Variants in ME3 observed in about 807,000 individuals in gnomAD.
ME3 encodes the protein malic enzyme 3.
ME3 carries 48 observed loss-of-function variants against 68.9 expected under a neutral mutation model. The ratio of observed to expected loss-of-function variants is 0.70; its 90% CI spans 0.55 to 0.89. ME3 has a LOEUF of 0.89. Ranked by LOEUF, ME3 falls within the 40% of genes least tolerant of loss-of-function variation. The pLI is 0.00. For synonymous variants in ME3, 320 were observed against 318.8 expected (o/e 1.00, Z -0.04); for missense variants, 675 against 797.4 (o/e 0.85, Z 1.85).
chr11:86,446,718 G>A (rs1949323511), intron 12 of ME3, among the ~76,000 whole-genome samples: 1 of 152,234 alleles, frequency 6.6e-6, no homozygotes, highest in Non-Finnish European at 1.5e-5. Flanking sequence ...GGGGTTCACA[G>A]CACCATTTTT....
intron 10 of ME3, among the ~76,000 whole-genome samples, chr11:86,449,362 G>A (rs1949502915): frequency 6.6e-6 from 1 of 152,200 alleles, no homozygotes; most frequent in Non-Finnish European, 1.5e-5. Flanking sequence ...GCCAGGCATT[G>A]ATATCAAGAC....
chr11:86,573,441 T>TTTG (rs553731520), intron 2 of ME3, among the ~76,000 whole-genome samples: 12 of 151,646 alleles, frequency 7.9e-5, no homozygotes, highest in Admixed American at 1.3e-4. Flanking sequence ...TTTTTTTTTT[T>TTTG]GGTATATATG....
intron 2 of ME3, among the ~76,000 whole-genome samples, chr11:86,670,076 G>A (rs1261113880): frequency 6.6e-6 from 1 of 152,164 alleles, no homozygotes; most frequent in Admixed American, 6.5e-5. Context: ...TTTAACTCCA[G>A]GGGTGGGCTC....
intron 2 of ME3, among the ~76,000 whole-genome samples, chr11:86,630,970 T>C (rs1943976247): frequency 6.6e-6 from 1 of 152,096 alleles, no homozygotes; most frequent in Admixed American, 6.5e-5. Flanking sequence ...TCATTTCCGA[T>C]GGAGGCGGCA....
intron 2 of ME3, among the ~76,000 whole-genome samples, chr11:86,570,079 A>T (rs1272359600): frequency 6.6e-6 from 1 of 152,172 alleles, no homozygotes; most frequent in African/African-American, 2.4e-5. Flanking sequence ...TTCTGAGTTC[A>T]TGCACCTGGC....
intron 5 of ME3, among the ~76,000 whole-genome samples, chr11:86,506,744 C>T (rs1953106958): frequency 6.6e-6 from 1 of 152,160 alleles, no homozygotes; most frequent in Non-Finnish European, 1.5e-5. Flanking sequence ...CTCCTATGTC[C>T]AAGTTTTCCC....
At chr11:86,547,930 G>A (rs1338023482) in intron 4 of ME3, among the ~76,000 whole-genome samples, 1 of 152,222 alleles carries the variant, frequency 6.6e-6, no homozygotes, top group Admixed American at 6.5e-5. Context: ...TGTTTAAATT[G>A]CCAGGGAATA....
intron 4 of ME3, among the ~76,000 whole-genome samples, chr11:86,543,323 A>G (rs539923902): frequency 6.6e-6 from 1 of 152,356 alleles, no homozygotes; most frequent in Non-Finnish European, 1.5e-5. Context: ...TTCAATGTAA[A>G]TGGGCTAAAT....
At chr11:86,620,532 G>C (rs1943280280) in intron 2 of ME3, among the ~76,000 whole-genome samples, 2 of 152,130 alleles carry the variant, frequency 1.3e-5, no homozygotes, top group South Asian at 2.1e-4. Flanking sequence ...GATATGCAAG[G>C]GGCTTTGGAG....
intron 7 of ME3, among the ~76,000 whole-genome samples, chr11:86,474,852 C>T (rs1011700950): frequency 6.6e-6 from 1 of 152,220 alleles, no homozygotes; most frequent in African/African-American, 2.4e-5. Flanking sequence ...TATGCAAACC[C>T]AGCAGTAATT....
At chr11:86,536,736 C>T (rs1955689688) in intron 4 of ME3, among the ~76,000 whole-genome samples, 1 of 150,194 alleles carries the variant, frequency 6.7e-6, no homozygotes, top group African/African-American at 2.5e-5. Context: ...GGCGATTCCT[C>T]AGGGATCTAG....
At chr11:86,516,597 G>T (rs778721888) in intron 4 of ME3, among the ~76,000 whole-genome samples, 5 of 152,022 alleles carry the variant, frequency 3.3e-5, no homozygotes, top group Non-Finnish European at 2.9e-5. Flanking sequence ...CTATATGTTG[G>T]CCAGGCTGGT....
At chr11:86,602,389 A>G (rs1233877262) in intron 2 of ME3, among the ~76,000 whole-genome samples, 1 of 152,150 alleles carries the variant, frequency 6.6e-6, no homozygotes, top group African/African-American at 2.4e-5. Context: ...TATGAATCCA[A>G]CTTACAAGGG....
At chr11:86,665,705 C>G (rs1946549096) in intron 2 of ME3, among the ~76,000 whole-genome samples, 4 of 152,154 alleles carry the variant, frequency 2.6e-5, no homozygotes, top group Admixed American at 2.6e-4. Flanking sequence ...GAGGCTGCTG[C>G]AGGCATTAAG....
chr11:86,655,070 A>G (rs1201112842), intron 2 of ME3, among the ~76,000 whole-genome samples: 1 of 152,172 alleles, frequency 6.6e-6, no homozygotes, highest in African/African-American at 2.4e-5. Context: ...AAGGAGAACT[A>G]CAAACCACTG....
intron 2 of ME3, among the ~76,000 whole-genome samples, chr11:86,643,964 G>T (rs761431952): frequency 5.9e-5 from 9 of 152,188 alleles, no homozygotes; most frequent in African/African-American, 2.2e-4. Flanking sequence ...TTTTTGTGGG[G>T]ATCAGATGAG....
intron 4 of ME3, among the ~76,000 whole-genome samples, chr11:86,530,012 A>G (rs1417535869): frequency 1.3e-5 from 2 of 152,198 alleles, no homozygotes; most frequent in East Asian, 3.8e-4. Context: ...CAGGGCAATC[A>G]GGCAGGAGAA....
chr11:86,670,349 C>A (rs1946842933), intron 2 of ME3, among the ~76,000 whole-genome samples: 1 of 152,178 alleles, frequency 6.6e-6, no homozygotes, highest in Non-Finnish European at 1.5e-5. Context: ...TGCAGAGAGG[C>A]AGAGTAGAGA....
chr11:86,601,123 A>G (rs1960569320), intron 2 of ME3, among the ~76,000 whole-genome samples: 1 of 151,684 alleles, frequency 6.6e-6, no homozygotes, highest in African/African-American at 2.4e-5. Flanking sequence ...TGAAGGAAAT[A>G]GAGACACAAA....
Sources: gnomAD v4.1 joint callset for allele counts (sites outside exome capture counted in the v4.1 genomes callset) on GRCh38, gnomAD v4.1.1 for gene constraint, MANE v1.5 for transcripts, NCBI Gene and HGNC (gene_info 2026-07-23, HGNC 2026-07-21) for gene names.